Variants in ATP13A3 observed in about 807,000 individuals in gnomAD.
ATP13A3 encodes the protein polyamine-transporting ATPase 13A3.
Under a neutral mutation model 158.1 loss-of-function variants are expected in ATP13A3, and 59 were observed. That is an observed-to-expected ratio of 0.37 (90% CI 0.30 to 0.46). The LOEUF is 0.46. Ranked by LOEUF, ATP13A3 falls within the 20% of genes least tolerant of loss-of-function variation. The probability of loss-of-function intolerance (pLI) is 1.00; values close to 1 mark genes in which losing one functional copy is unlikely to be tolerated. For missense variants in ATP13A3, 1,166 were observed against 1,525.2 expected, an observed-to-expected ratio of 0.76 and a Z score of 3.92; for synonymous variants, 491 against 504.3, an observed-to-expected ratio of 0.97 and a Z score of 0.35.
intron 2 of ATP13A3, among the ~76,000 whole-genome samples, chr3:194,471,302 A>G (rs1425841793): frequency 6.7e-6 from 1 of 148,760 alleles, no homozygotes; most frequent in Admixed American, 6.7e-5. Flanking sequence ...CCTATAATAC[A>G]GCGTTAAGTA....
intron 2 of ATP13A3, among the ~76,000 whole-genome samples, chr3:194,476,802 G>A (rs1280301869): frequency 6.8e-6 from 1 of 147,180 alleles, no homozygotes; most frequent in Non-Finnish European, 1.5e-5. Context: ...AATTGAACTA[G>A]ATTAAATAAT....
At position 194,422,831 on chromosome 3, in the gene ATP13A3, C is replaced by T. The variant is rs149861988; in HGVS notation, c.3313+2511G>A. 5.1e-3 allele frequency among the ~76,000 whole-genome samples: 777 copies of T among 151,648 alleles called. 10 individuals are homozygous for T. Among genetic ancestry groups the T allele is most frequent in the African/African-American group, 0.018 (728 of 41,292 alleles). On this transcript the variant is annotated intron_variant, in intron 30 of 33. Transcript: ENST00000645319. The stretch of plus-strand genomic sequence containing the variant: ...TACTAACTAACCTACAGCCACAAAT[C>T]CTAAGCCTTTTTATTCCTATCCCTC...
At chr3:194,426,894 T>G (rs1295030656) in intron 29 of ATP13A3, among the ~76,000 whole-genome samples, 181 bp downstream of exon 29, 1 of 152,052 alleles carries the variant, frequency 6.6e-6, no homozygotes, top group Non-Finnish European at 1.5e-5. Flanking sequence ...ACTCCTGGTC[T>G]CAAGTCATCA....
At chr3:194,423,991 T>A (rs1377492046) in intron 30 of ATP13A3, among the ~76,000 whole-genome samples, 1 of 151,718 alleles carries the variant, frequency 6.6e-6, no homozygotes, top group Admixed American at 6.6e-5. Context: ...TACCCTTACA[T>A]GTGTTCAACA....
intron 22 of ATP13A3, among the ~76,000 whole-genome samples, 189 bp from the exon 23 acceptor site, chr3:194,431,415 T>A (rs143746972): frequency 6.6e-6 from 1 of 152,328 alleles, no homozygotes; most frequent in African/African-American, 2.4e-5. Context: ...AAATGATGCA[T>A]GAACTGAGTA....
In ATP13A3 at chr3:194,443,883, TAAGA is replaced by T. The variant is rs1194925000; in HGVS notation, c.1559+838_1559+841del. 9.9e-5 allele frequency among the ~76,000 whole-genome samples: 15 copies of T among 152,112 alleles called. No individual in the cohort carries two copies. In the East Asian group the frequency reaches 2.9e-3, roughly 29 times the overall value. Reference sequence around the variant, plus strand: ...GAAAATAAAAAAGACCTCTAACAAATAAGATAGACTTCCCAACAGAAAAATGAGG... The same window carrying T: ...GAAAATAAAAAAGACCTCTAACAAATTAGACTTCCCAACAGAAAAATGAGG... On this transcript the variant is annotated intron_variant, in intron 15 of 33. Coordinates refer to ENST00000645319, the MANE Select transcript of ATP13A3 (RefSeq NM_001367549.1).
upstream of ATP13A3, among the ~76,000 whole-genome samples, chr3:194,491,328 C>T (rs529829264): frequency 7.9e-4 from 120 of 152,202 alleles, no homozygotes; most frequent in African/African-American, 2.0e-3. Flanking sequence ...TTAGCAAAGA[C>T]GCTGTCACCC....
chr3:194,466,477 T>C (rs1719996341), intron 2 of ATP13A3, among the ~76,000 whole-genome samples: 1 of 152,216 alleles, frequency 6.6e-6, no homozygotes, highest in Non-Finnish European at 1.5e-5. Flanking sequence ...TTGACACTGA[T>C]ACACCAACTT....
intron 30 of ATP13A3, 81 bp from the exon 31 acceptor site, chr3:194,420,048 T>G: frequency 7.3e-7 from 1 of 1,378,820 alleles, no homozygotes; most frequent in South Asian, 1.6e-5. Context: ...GCTGGTATAC[T>G]GTCATTTGTA....
In ATP13A3 at chr3:194,453,700, A is replaced by G; in HGVS notation, c.838+6T>C. The G allele has an allele frequency of 6.2e-7, 1 of 1,607,076 alleles. No homozygotes were observed. The highest frequency in any genetic ancestry group is 8.5e-7 in the Non-Finnish European group (1 of 1,173,866). On this transcript the variant is annotated splice_donor_region_variant and intron_variant, in intron 10 of 33. Transcript: ENST00000645319. Reference sequence around the variant, plus strand: ...TGATTTATTCTTCCAACATTCAATTACTTACCTTCATTTACTCTACAAACT... The same window carrying G: ...TGATTTATTCTTCCAACATTCAATTGCTTACCTTCATTTACTCTACAAACT...
Position 194,455,923 on chromosome 3 carries a change from C to A in ATP13A3, c.600G>T (p.Val200=). 6.4e-7 allele frequency: 1 copy of A among 1,554,666 alleles called. No individual in the cohort carries two copies. Among genetic ancestry groups the A allele is most frequent in the Non-Finnish European group, 8.7e-7 (1 of 1,142,952 alleles). The stretch of plus-strand genomic sequence containing the variant: ...TAATTAGAAGCTTAAAAACAGAAGG[C>A]ACTTTTACAGCAATTTCATTTACTC... ...LYGVNEIAVK[V]PSVFKLLIKE... Residue 200 remains valine, a synonymous_variant, in exon 8 of 34, where the codon GTG becomes GTT. Transcript: ENST00000645319.
At chr3:194,436,460 T>C (rs1360632697) in intron 20 of ATP13A3, among the ~76,000 whole-genome samples, 1 of 152,220 alleles carries the variant, frequency 6.6e-6, no homozygotes, top group African/African-American at 2.4e-5. Flanking sequence ...GAAGATCAAT[T>C]GGTGAAAATA....
intron 30 of ATP13A3, among the ~76,000 whole-genome samples, chr3:194,423,904 C>T (rs920158809): frequency 3.3e-5 from 5 of 150,786 alleles, no homozygotes; most frequent in African/African-American, 1.2e-4. Context: ...AGCTGTCTTG[C>T]TTGCAAACCA....
chr3:194,404,059 C>T lies in ATP13A3; in HGVS notation c.*1860G>A, dbSNP rs779286915. 7.4e-5 allele frequency: 33 copies of T among 443,716 alleles called. No individual in the cohort carries two copies. Among genetic ancestry groups the T allele is most frequent in the South Asian group, 1.8e-4 (11 of 62,100 alleles). The allele number at this position is 443,716 out of a possible 1,614,324, so 27.5% of individuals were successfully genotyped here. A position where few individuals can be genotyped will look rare whatever the true frequency, so the allele number is the denominator to read the frequency against. On this transcript the variant is annotated 3_prime_UTR_variant, in exon 34 of 34. Transcript: ENST00000645319. Reference sequence around the variant, plus strand: ...TACTTAAACCAAAGAATAAAATGCACAATTGTGGAAATCACTGAAGAATAA... The same window carrying T: ...TACTTAAACCAAAGAATAAAATGCATAATTGTGGAAATCACTGAAGAATAA...
chr3:194,424,240 AT>A (rs1406597796), intron 30 of ATP13A3, among the ~76,000 whole-genome samples: 1 of 151,662 alleles, frequency 6.6e-6, no homozygotes, highest in Non-Finnish European at 1.5e-5. Flanking sequence ...AATAATAGTT[AT>A]TTTTTAAAGT....
chr3:194,469,155 A>G (rs1720176163), intron 2 of ATP13A3, among the ~76,000 whole-genome samples: 1 of 149,426 alleles, frequency 6.7e-6, no homozygotes, highest in Non-Finnish European at 1.5e-5. Flanking sequence ...AAAAAAAAAA[A>G]GCGCATCATT....
At position 194,430,087 on chromosome 3, in the gene ATP13A3, A is replaced by C; in HGVS notation, c.2762T>G (p.Val921Gly). 6.2e-7 allele frequency: 1 copy of C among 1,614,016 alleles called. No homozygotes were observed. Among genetic ancestry groups the C allele is most frequent in the Non-Finnish European group, 8.5e-7 (1 of 1,179,906 alleles). Reference protein sequence around the residue: ...FTSKTPSISCVPNLIREGRAA... With the variant: ...FTSKTPSISCGPNLIREGRAA... ...TTTGTACTACCTGATAAGGTTTGGC[A>C]CACAGGAAATACTAGGAGTCTTAGA... Residue 921 changes from valine (V) to glycine (G), a missense_variant, in exon 26 of 34, where the codon GTG becomes GGG. Physicochemically the swap from Val to Gly is moderately radical, Grantham distance 109. This residue lies in a region of ATP13A3 where 997 missense variants were observed against 1,341.2 expected (regional missense o/e 0.74). Coordinates refer to ENST00000645319, the MANE Select transcript of ATP13A3 (RefSeq NM_001367549.1).
intron 2 of ATP13A3, among the ~76,000 whole-genome samples, chr3:194,464,432 C>T (rs1477404968): frequency 6.6e-6 from 1 of 152,178 alleles, no homozygotes; most frequent in Non-Finnish European, 1.5e-5. Context: ...GGTCCTAGAG[C>T]ATATTACCAG....
intron 22 of ATP13A3, 78 bp from the exon 23 acceptor site, chr3:194,431,304 C>A: frequency 7.0e-7 from 1 of 1,436,092 alleles, no homozygotes. Context: ...CATATTTGTT[C>A]TAAAACTGAA....
Sources: gnomAD v4.1 joint callset for allele counts (sites outside exome capture counted in the v4.1 genomes callset) on GRCh38, gnomAD v4.1.1 for gene constraint, gnomAD v4.1.1 regional missense constraint, MANE v1.5 for transcripts, NCBI Gene and HGNC (gene_info 2026-07-23, HGNC 2026-07-21) for gene names.